The following ARAP1 variants were observed in gnomAD, a reference collection of about 807,000 sequenced individuals.
ARAP1 encodes the protein arf-GAP with Rho-GAP domain, ANK repeat and PH domain-containing protein 1.
In ARAP1, 76 loss-of-function variants were observed where a neutral mutation model predicts 172.2. The ratio of observed to expected loss-of-function variants is 0.44; its 90% CI spans 0.37 to 0.53. The LOEUF is 0.53. Among genes scored for constraint, ARAP1 ranks in the 20% least tolerant of loss-of-function variants. The probability of loss-of-function intolerance (pLI) is 0.00; values close to 1 mark genes in which losing one functional copy is unlikely to be tolerated. For missense variants in ARAP1, 1,686 were observed against 1,977.5 expected, an observed-to-expected ratio of 0.85 and a Z score of 2.80; for synonymous variants, 804 against 803.3, an observed-to-expected ratio of 1.00 and a Z score of -0.01.
Position 72,697,814 on chromosome 11 carries a change from G to A in ARAP1, c.2737+97C>T, listed in dbSNP as rs1322891424. ...GAGGGCAGGATGGCGGCTCTGGCCAGGCCAGGCAGAGTTCAGATTTCCAGG... is the reference window on the plus strand; with the variant it reads ...GAGGGCAGGATGGCGGCTCTGGCCAAGCCAGGCAGAGTTCAGATTTCCAGG... On this transcript the variant is annotated intron_variant, in intron 19 of 34. Transcript: ENST00000393609. 9.4e-6 allele frequency: 14 copies of A among 1,489,762 alleles called. No individual in the cohort carries two copies. The East Asian group carries it at 2.2e-4, about 23-fold the overall frequency. 92.3% of individuals were successfully genotyped at this position (1,489,762 alleles called of 1,614,324 possible).
chr11:72,712,211 T>C lies in ARAP1; in HGVS notation c.1007A>G (p.Lys336Arg). 4 of 1,605,498 alleles carry C rather than the reference T, an allele frequency of 2.5e-6. No individual in the cohort carries two copies. Among genetic ancestry groups the C allele is most frequent in the Non-Finnish European group, 2.5e-6 (3 of 1,177,396 alleles). Reference protein sequence around the residue: ...TPVIKAGWLDKNPPQGSYIYQ... With the variant: ...TPVIKAGWLDRNPPQGSYIYQ... ...CCTCACTCACCCCTGCGGTGGGTTC[T>C]TGTCCAGCCAGCCAGCCTTGATGAC... Residue 336 changes from lysine to arginine, a missense_variant, in exon 7 of 35, where the codon AAG (lysine) becomes AGG (arginine). By Grantham distance (26) the Lys-to-Arg change is conservative (BLOSUM62 2). This residue lies in a region of ARAP1 where 688 missense variants were observed against 856.9 expected (regional missense o/e 0.80). Transcript: ENST00000393609.
At chr11:72,715,605 C>T (rs1396549767) in intron 3 of ARAP1, among the ~76,000 whole-genome samples, 2 of 147,450 alleles carry the variant, frequency 1.4e-5, no homozygotes, top group African/African-American at 5.0e-5. Flanking sequence ...CTGGGTCTCA[C>T]TCTGTGGCAG....
intron 13 of ARAP1, 139 bp downstream of exon 13, chr11:72,705,666 C>T (rs1301450264): frequency 1.1e-6 from 1 of 881,988 alleles, no homozygotes; most frequent in Non-Finnish European, 1.7e-6. Context: ...CCGAAATCCC[C>T]ACCCACTAGA....
chr11:72,724,492 G>A (rs534476966), intron 3 of ARAP1, among the ~76,000 whole-genome samples: 76 of 152,246 alleles, frequency 5.0e-4, no homozygotes, highest in Non-Finnish European at 7.9e-4. Context: ...ATGGAGCCTG[G>A]GGATCACAGG....
chr11:72,745,735 T>C (rs1038087298), intron 1 of ARAP1, among the ~76,000 whole-genome samples: 1 of 152,110 alleles, frequency 6.6e-6, no homozygotes, highest in African/African-American at 2.4e-5. Context: ...ACCTGTGTCA[T>C]GTCTCAAAGG....
chr11:72,713,983 G>A (rs1333671120), intron 4 of ARAP1, among the ~76,000 whole-genome samples, 169 bp downstream of exon 4: 2 of 152,222 alleles, frequency 1.3e-5, no homozygotes, highest in South Asian at 2.1e-4. Context: ...CCATTGTGAG[G>A]ATGAAGAGAA....
chr11:72,703,647 T>C (rs1591192296), intron 14 of ARAP1, among the ~76,000 whole-genome samples: 1 of 151,892 alleles, frequency 6.6e-6, no homozygotes, highest in Non-Finnish European at 1.5e-5. Flanking sequence ...CAACCAGAGG[T>C]CACAAATGGC....
chr11:72,703,231 G>T, intron 14 of ARAP1, 152 bp from the exon 15 acceptor site: 1 of 810,586 alleles, frequency 1.2e-6, no homozygotes. Flanking sequence ...AAGGAAGAAA[G>T]AGAGAAGGAG....
At chr11:72,734,927 T>G (rs1350097686) in intron 1 of ARAP1, among the ~76,000 whole-genome samples, 1 of 152,140 alleles carries the variant, frequency 6.6e-6, no homozygotes, top group Non-Finnish European at 1.5e-5. Flanking sequence ...TTAATTTCAC[T>G]TGGACTGTTT....
intron 1 of ARAP1, among the ~76,000 whole-genome samples, chr11:72,751,284 C>T (rs1213045434): frequency 6.6e-6 from 1 of 152,172 alleles, no homozygotes; most frequent in East Asian, 1.9e-4. Flanking sequence ...TTCTGCCATT[C>T]CTCAGACACA....
intron 3 of ARAP1, among the ~76,000 whole-genome samples, chr11:72,715,911 A>G (rs1473332140): frequency 6.6e-6 from 1 of 152,026 alleles, no homozygotes; most frequent in Non-Finnish European, 1.5e-5. Flanking sequence ...AGTGGTTCAC[A>G]CCTGTAATCC....
Position 72,714,267 on chromosome 11 carries a change from C to T in ARAP1, c.564G>A (p.Gln188=). 1 of 1,542,698 alleles carries T rather than the reference C, an allele frequency of 6.5e-7. No homozygotes were observed. The highest frequency in any genetic ancestry group is 2.5e-5 in the East Asian group (1 of 40,190). ...TGGACAGGGGCTCCTCAGACTGTGG[C>T]TGGGGAGGGGATGATAATGATGGCA... ...SLLPSLSSPP[Q]PQSEEPLSTL... The change falls in exon 4 of 35, where the codon CAG becomes CAA. Residue 188 remains glutamine, a synonymous_variant. Coordinates refer to ENST00000393609, the MANE Select transcript of ARAP1 (RefSeq NM_001040118.3).
chr11:72,723,269 C>T (rs956677797), intron 3 of ARAP1, among the ~76,000 whole-genome samples: 8 of 152,114 alleles, frequency 5.3e-5, no homozygotes, highest in African/African-American at 1.9e-4. Context: ...CATGGCACCA[C>T]TGCACTCCAG....
intron 1 of ARAP1, among the ~76,000 whole-genome samples, chr11:72,738,408 C>T (rs947917882): frequency 2.0e-5 from 3 of 152,164 alleles, no homozygotes; most frequent in Admixed American, 1.3e-4. Flanking sequence ...CCACACCCAG[C>T]TCTGGAGTCC....
At chr11:72,735,377 A>C (rs1857989207) in intron 1 of ARAP1, among the ~76,000 whole-genome samples, 1 of 151,818 alleles carries the variant, frequency 6.6e-6, no homozygotes, top group Admixed American at 6.6e-5. Context: ...TTGGGAGGCC[A>C]AGGCGGGTAG....
intron 5 of ARAP1, 187 bp from the exon 6 acceptor site, chr11:72,712,755 G>A: frequency 1.0e-6 from 1 of 958,330 alleles, no homozygotes; most frequent in Non-Finnish European, 1.6e-6. Flanking sequence ...ACAGGGACAG[G>A]AGAGCCAGTG....
chr11:72,687,223 C>T (rs1855729610), intron 33 of ARAP1: 1 of 627,290 alleles, frequency 1.6e-6, no homozygotes, highest in Non-Finnish European at 2.8e-6. Flanking sequence ...AGGGCAGGGT[C>T]TGTGTCCTGT....
rs955244594 is a variant in ARAP1 at position 72,725,701 on chromosome 11, G to A, written c.509+919C>T. Reference sequence around the variant, plus strand: ...CCTCTGATTTGTTCATGTCCTGCTCGTAAAGCCAGTACACAAATCTCCCAG... The same window carrying A: ...CCTCTGATTTGTTCATGTCCTGCTCATAAAGCCAGTACACAAATCTCCCAG... On this transcript the variant is annotated intron_variant, in intron 3 of 34. Transcript: ENST00000393609. The surrounding 1 kb of genome is among the most constrained non-coding windows in gnomAD (Gnocchi z 4.3). 5.3e-5 allele frequency among the ~76,000 whole-genome samples: 8 copies of A among 152,010 alleles called. No homozygotes were observed. The highest frequency in any genetic ancestry group is 2.1e-4 in the South Asian group (1 of 4,816).
At position 72,696,539 on chromosome 11, in the gene ARAP1, C is replaced by G; in HGVS notation, c.3272+10G>C. ...TCCCCCCAGAATCTCACAATGGTAT[C>G]GTCCCTCACCAGTACAGGTGGCTGA... is the stretch of plus-strand genomic sequence containing the variant. On this transcript the variant is annotated intron_variant, in intron 23 of 34. Transcript: ENST00000393609. 1 of 1,510,030 alleles carries G rather than the reference C, an allele frequency of 6.6e-7. No individual in the cohort carries two copies. 93.5% of individuals were successfully genotyped at this position (1,510,030 alleles called of 1,614,324 possible).
Sources: allele counts gnomAD v4.1 joint callset (sites outside exome capture counted in the v4.1 genomes callset), GRCh38; gene constraint gnomAD v4.1.1; regional missense constraint gnomAD v4.1.1; non-coding constraint Gnocchi (gnomAD v3.1); transcripts MANE v1.5; gene names NCBI Gene and HGNC (gene_info 2026-07-23, HGNC 2026-07-21).